The following LPXN variants were observed in gnomAD, a reference collection of about 807,000 sequenced individuals.
LPXN encodes leupaxin.
In LPXN, 28 loss-of-function variants were observed where a neutral mutation model predicts 45.6. That is an observed-to-expected ratio of 0.61 (90% CI 0.45 to 0.84). The LOEUF is 0.84. Ranked by LOEUF, LPXN falls within the 40% of genes least tolerant of loss-of-function variation. The probability of loss-of-function intolerance (pLI) is 0.00; values close to 1 mark genes in which losing one functional copy is unlikely to be tolerated. For missense variants in LPXN, 459 were observed against 475.0 expected, an observed-to-expected ratio of 0.97 and a Z score of 0.31; for synonymous variants, 166 against 169.9, an observed-to-expected ratio of 0.98 and a Z score of 0.18.
At chr11:58,560,604 G>A (rs1467869020) in intron 3 of LPXN, among the ~76,000 whole-genome samples, 4 of 152,098 alleles carry the variant, frequency 2.6e-5, no homozygotes, top group African/African-American at 9.7e-5. Flanking sequence ...TTGAATGTCT[G>A]TCTGCACTAT....
chr11:58,559,087 AT>A (rs1238482487), intron 3 of LPXN, among the ~76,000 whole-genome samples: 1 of 152,052 alleles, frequency 6.6e-6, no homozygotes, highest in African/African-American at 2.4e-5. Flanking sequence ...TTATTACTAT[AT>A]AAAAATACCC....
chr11:58,559,564 A>C (rs1236621673), intron 3 of LPXN, among the ~76,000 whole-genome samples: 1 of 152,212 alleles, frequency 6.6e-6, no homozygotes, highest in Admixed American at 6.5e-5. Context: ...AAAAAAGAAA[A>C]GCCCAGAACA....
At chr11:58,537,682 A>G (rs567460323) in intron 7 of LPXN, among the ~76,000 whole-genome samples, 19 of 152,302 alleles carry the variant, frequency 1.2e-4, no homozygotes, top group African/African-American at 3.1e-4. Flanking sequence ...GAAATAGTTC[A>G]TTCAAGTAAC....
intron 7 of LPXN, among the ~76,000 whole-genome samples, chr11:58,539,778 C>A (rs1853660331): frequency 6.6e-6 from 1 of 152,082 alleles, no homozygotes; most frequent in African/African-American, 2.4e-5. Context: ...CTTATCTCAC[C>A]TTTCCTGTAT....
intron 7 of LPXN, among the ~76,000 whole-genome samples, chr11:58,544,114 A>C (rs1853812170): frequency 6.6e-6 from 1 of 152,212 alleles, no homozygotes; most frequent in South Asian, 2.1e-4. Flanking sequence ...CCTGAGACAC[A>C]GAAGAGCTCA....
At chr11:58,530,254 G>A (rs928030406) in intron 7 of LPXN, among the ~76,000 whole-genome samples, 12 of 152,180 alleles carry the variant, frequency 7.9e-5, no homozygotes, top group Admixed American at 2.0e-4. Flanking sequence ...GGCCTGGCTC[G>A]GTAGGTCCCA....
At chr11:58,531,707 A>C (rs1170401639) in intron 7 of LPXN, among the ~76,000 whole-genome samples, 3 of 152,216 alleles carry the variant, frequency 2.0e-5, no homozygotes, top group Admixed American at 6.5e-5. Flanking sequence ...AATACAGAGA[A>C]CACCACAAAG....
chr11:58,532,221 G>A (rs888653660), intron 7 of LPXN, among the ~76,000 whole-genome samples: 1 of 152,186 alleles, frequency 6.6e-6, no homozygotes, highest in Admixed American at 6.5e-5. Context: ...CGCCATGCCC[G>A]AGACCCCCAC....
At chr11:58,577,238 ACT>A (rs1255742452), upstream of LPXN, among the ~76,000 whole-genome samples, 1 of 152,110 alleles carries the variant, frequency 6.6e-6, no homozygotes, top group Non-Finnish European at 1.5e-5. Context: ...CTCACTACAA[ACT>A]CAATCTTAAA....
intron 1 of LPXN, among the ~76,000 whole-genome samples, chr11:58,574,571 C>A (rs1854818376): frequency 6.6e-6 from 1 of 151,666 alleles, no homozygotes; most frequent in Non-Finnish European, 1.5e-5. Flanking sequence ...CTCCATCCCC[C>A]CCAAAAAAAA....
chr11:58,529,607 CAAA>C (rs11295701), intron 7 of LPXN, among the ~76,000 whole-genome samples: 7 of 83,562 alleles, frequency 8.4e-5, no homozygotes, highest in South Asian at 3.5e-4. Context: ...GACTCTGTCT[CAAA>C]AAAAAAAAAA....
In LPXN at chr11:58,557,714, AAAAC is replaced by A. The variant is rs1278078765; in HGVS notation, c.219-2778_219-2775del. 3.9e-5 allele frequency among the ~76,000 whole-genome samples: 6 copies of A among 152,318 alleles called. No individual in the cohort carries two copies. The South Asian group carries it at 6.2e-4, about 16-fold the overall frequency. The stretch of plus-strand genomic sequence containing the variant: ...GTAAATTTTGGCTGTTCTTGCCACA[AAAAC>A]AAACAAACAAAAATGTGTAACTGTG... On this transcript the variant is annotated intron_variant, in intron 3 of 8. Transcript: ENST00000395074.
At chr11:58,527,850 T>C in intron 8 of LPXN, 127 bp from the exon 9 acceptor site, 1 of 1,158,730 alleles carries the variant, frequency 8.6e-7, no homozygotes, top group Non-Finnish European at 1.2e-6. Context: ...CCTCAGGTTC[T>C]TGACAAATGG....
intron 1 of LPXN, among the ~76,000 whole-genome samples, chr11:58,573,186 C>T (rs11229531): frequency 0.011 from 1,639 of 146,616 alleles, 37 homozygotes; most frequent in African/African-American, 0.039. Flanking sequence ...GCAGAGGTTG[C>T]GGTGAGCCGA....
chr11:58,575,074 T>C (rs1321598069), intron 1 of LPXN, among the ~76,000 whole-genome samples: 2 of 152,216 alleles, frequency 1.3e-5, no homozygotes, highest in Non-Finnish European at 2.9e-5. Flanking sequence ...ACTCCAAAGG[T>C]TTGAAATCCA....
At chr11:58,563,682 C>T (rs538710415) in intron 3 of LPXN, among the ~76,000 whole-genome samples, 5 of 152,304 alleles carry the variant, frequency 3.3e-5, no homozygotes, top group Admixed American at 6.5e-5. Context: ...AAGGAAATCC[C>T]TCTACCCACT....
At chr11:58,575,545 C>CA (rs1367061187) in intron 1 of LPXN, among the ~76,000 whole-genome samples, 3 of 152,332 alleles carry the variant, frequency 2.0e-5, no homozygotes, top group East Asian at 3.9e-4. Flanking sequence ...CCAAACTCTC[C>CA]ATCTATTTTG....
chr11:58,564,102 A>T, intron 3 of LPXN, 53 bp downstream of exon 3: 1 of 1,107,582 alleles, frequency 9.0e-7, no homozygotes, highest in Non-Finnish European at 1.3e-6. Flanking sequence ...AAGATTGATA[A>T]CAATTATCTA....
At chr11:58,542,252 CAAAAG>C (rs1853751374) in intron 7 of LPXN, among the ~76,000 whole-genome samples, 1 of 151,418 alleles carries the variant, frequency 6.6e-6, no homozygotes, top group East Asian at 1.9e-4. Context: ...TCAGGAAACT[CAAAAG>C]AAAACAATGA....
Sources: gnomAD v4.1 joint callset for allele counts (sites outside exome capture counted in the v4.1 genomes callset) on GRCh38, gnomAD v4.1.1 for gene constraint, MANE v1.5 for transcripts, NCBI Gene and HGNC (gene_info 2026-07-23, HGNC 2026-07-21) for gene names.